The following SLC30A5 variants were observed in gnomAD, a reference collection of about 807,000 sequenced individuals.
SLC30A5 encodes the protein proton-coupled zinc antiporter SLC30A5.
Under a neutral mutation model 79.6 loss-of-function variants are expected in SLC30A5, and 33 were observed. The observed-to-expected ratio is 0.41, with a 90% CI of 0.31 to 0.55. The LOEUF (loss-of-function observed/expected upper bound fraction) is 0.55. SLC30A5 is among the 20% of genes least tolerant of loss of function. The probability of loss-of-function intolerance (pLI) is 0.20; values close to 1 mark genes in which losing one functional copy is unlikely to be tolerated. For missense variants in SLC30A5, 788 were observed against 928.1 expected, an observed-to-expected ratio of 0.85 and a Z score of 1.96; for synonymous variants, 299 against 319.7, an observed-to-expected ratio of 0.94 and a Z score of 0.69.
rs763022015 is a variant in SLC30A5, at chr5:69,129,580, C to T, written c.2261C>T (p.Ser754Phe). 1.1e-5 allele frequency: 17 copies of T among 1,612,386 alleles called. No individual in the cohort carries two copies. Among genetic ancestry groups the T allele is most frequent in the Non-Finnish European group, 1.4e-5 (17 of 1,179,332 alleles). ...CTGGCTATGACAAAACAAATGGAATCCATGAAATACTGCAAAGATGGTACT... is the reference window on the plus strand; with the variant it reads ...CTGGCTATGACAAAACAAATGGAATTCATGAAATACTGCAAAGATGGTACT... ...DVLAMTKQME[S>F]MKYCKDGTYI... The change falls in exon 16 of 16, where the codon TCC (serine) becomes TTC (phenylalanine). Residue 754 changes from serine to phenylalanine, a missense_variant. Ser to Phe is a radical substitution (Grantham distance 155). Around this residue, in one of 3 missense-constraint regions of SLC30A5, gnomAD observed 158 missense variants for 156.2 expected, o/e 1.01. Coordinates refer to ENST00000396591, the MANE Select transcript of SLC30A5 (RefSeq NM_022902.5).
At chr5:69,112,052 G>A (rs1270330852) in intron 5 of SLC30A5, among the ~76,000 whole-genome samples, 1 of 151,880 alleles carries the variant, frequency 6.6e-6, no homozygotes, top group Non-Finnish European at 1.5e-5. Flanking sequence ...GTAATCCTAG[G>A]ACTTTGGGAG....
chr5:69,104,848 A>AT (rs1402826641), intron 4 of SLC30A5, 132 bp downstream of exon 4: 1 of 819,566 alleles, frequency 1.2e-6, no homozygotes, highest in East Asian at 3.0e-5. Flanking sequence ...ATCAGAGAGA[A>AT]TTCAACAGAT....
intron 14 of SLC30A5, among the ~76,000 whole-genome samples, chr5:69,127,184 A>G (rs1056642279): frequency 2.0e-5 from 3 of 152,220 alleles, no homozygotes; most frequent in African/African-American, 7.2e-5. Context: ...TTATCTCTAT[A>G]TAACAAATAA....
At position 69,103,020 on chromosome 5, in the gene SLC30A5, A is replaced by G. The variant is rs1205560107; in HGVS notation, c.207-42A>G. The G allele has an allele frequency of 3.0e-6, 3 of 984,066 alleles. No homozygotes were observed. The South Asian group carries it at 4.6e-5, about 15-fold the overall frequency. The allele number at this position is 984,066 out of a possible 1,614,324, so 61.0% of individuals were successfully genotyped here. A position where few individuals can be genotyped will look rare whatever the true frequency, so the allele number is the denominator to read the frequency against. ...TACTTAAAACTGTATCTTGTGTTTA[A>G]TATGGATTAATATTAATATATTAAT... On this transcript the variant is annotated intron_variant, in intron 2 of 15. Transcript: ENST00000396591.
intron 5 of SLC30A5, among the ~76,000 whole-genome samples, chr5:69,108,945 C>T (rs116683700): frequency 0.011 from 1,662 of 151,722 alleles, 40 homozygotes; most frequent in African/African-American, 0.038. Context: ...AAATATAATC[C>T]GTAGTTGGAG....
chr5:69,103,169 G>A (rs375742238), intron 3 of SLC30A5, 41 bp downstream of exon 3: 23 of 1,084,898 alleles, frequency 2.1e-5, no homozygotes, highest in African/African-American at 6.3e-5. Context: ...GCAGCTTCTC[G>A]TTTAGTGGGC....
In SLC30A5 at chr5:69,103,134, A is replaced by G; in HGVS notation, c.273+6A>G. ...AAACTATTACCAAACACCAGGTAAG[A>G]TTTTTGCAGAATCTTTTATTCCTAG... On this transcript the variant is annotated splice_donor_region_variant and intron_variant, in intron 3 of 15. Coordinates refer to ENST00000396591, the MANE Select transcript of SLC30A5 (RefSeq NM_022902.5). 6.5e-7 allele frequency: 1 copy of G among 1,544,870 alleles called. No homozygotes were observed. The highest frequency in any genetic ancestry group is 8.9e-7 in the Non-Finnish European group (1 of 1,124,028).
chr5:69,096,993 C>G (rs541474187), intron 1 of SLC30A5, among the ~76,000 whole-genome samples: 1 of 150,960 alleles, frequency 6.6e-6, no homozygotes, highest in African/African-American at 2.4e-5. Context: ...CCCAAAAAAA[C>G]CCCCACAAAA....
At chr5:69,125,507 C>G (rs1746651304) in intron 14 of SLC30A5, among the ~76,000 whole-genome samples, 1 of 146,658 alleles carries the variant, frequency 6.8e-6, no homozygotes, top group African/African-American at 2.5e-5. Context: ...GCGAGACTGG[C>G]AACAGAGCGA....
At chr5:69,097,362 G>T (rs1040597590) in intron 1 of SLC30A5, among the ~76,000 whole-genome samples, 1 of 152,120 alleles carries the variant, frequency 6.6e-6, no homozygotes, top group East Asian at 1.9e-4. Flanking sequence ...TGATCCGCCC[G>T]CCTGGGCCTC....
intron 1 of SLC30A5, among the ~76,000 whole-genome samples, chr5:69,098,183 T>C (rs774637479): frequency 2.0e-5 from 3 of 152,084 alleles, no homozygotes; most frequent in Non-Finnish European, 4.4e-5. Context: ...TAACTAGTCT[T>C]GTCAAAGGTT....
chr5:69,095,876 A>G (rs1745713068), intron 1 of SLC30A5, among the ~76,000 whole-genome samples: 1 of 151,448 alleles, frequency 6.6e-6, no homozygotes, highest in Non-Finnish European at 1.5e-5. Flanking sequence ...CCTGGCCAAC[A>G]TGGTGAGACC....
chr5:69,104,052 A>G, intron 3 of SLC30A5: 1 of 1,561,602 alleles, frequency 6.4e-7, no homozygotes, highest in South Asian at 1.2e-5. Context: ...CTGAGAAATC[A>G]TAAAATTGTA....
intron 15 of SLC30A5, 140 bp from the exon 16 acceptor site, chr5:69,129,307 T>G: frequency 1.8e-6 from 1 of 569,216 alleles, no homozygotes; most frequent in Non-Finnish European, 2.8e-6. Flanking sequence ...ACTCAAAAAG[T>G]TTCAGATTTT....
intron 5 of SLC30A5, among the ~76,000 whole-genome samples, chr5:69,112,200 G>C (rs555690825): frequency 6.6e-6 from 1 of 152,180 alleles, no homozygotes; most frequent in African/African-American, 2.4e-5. Context: ...AGGAGGCTGA[G>C]GCAGGAGAAT....
At chr5:69,127,709 T>A (rs1746740449) in intron 14 of SLC30A5, among the ~76,000 whole-genome samples, 2 of 152,146 alleles carry the variant, frequency 1.3e-5, no homozygotes, top group South Asian at 4.1e-4. Context: ...AGAGCTGCCA[T>A]ACTAGCATCA....
At chr5:69,097,740 T>C (rs1210215923) in intron 1 of SLC30A5, among the ~76,000 whole-genome samples, 2 of 152,140 alleles carry the variant, frequency 1.3e-5, no homozygotes, top group Non-Finnish European at 2.9e-5. Context: ...GGTCTTGCTA[T>C]GTTGCCCAGG....
In SLC30A5 at chr5:69,109,698, C is replaced by T. The variant is rs1168328219; in HGVS notation, c.447+1262C>T. Among the ~76,000 whole-genome samples the T allele has an allele frequency of 2.6e-5, 4 of 152,132 alleles. No homozygotes were observed. In the South Asian group the frequency reaches 6.2e-4, roughly 24 times the overall value. ...TTGCCACCTAAGCACTCCTATTCATCCTAAGTGATTCAAGTATTATCCTTT... is the reference window on the plus strand; with the variant it reads ...TTGCCACCTAAGCACTCCTATTCATTCTAAGTGATTCAAGTATTATCCTTT... On this transcript the variant is annotated intron_variant, in intron 5 of 15. Transcript: ENST00000396591.
chr5:69,122,479 C>T (rs969315199), intron 13 of SLC30A5, among the ~76,000 whole-genome samples: 19 of 152,096 alleles, frequency 1.2e-4, no homozygotes, highest in Non-Finnish European at 2.9e-5. Context: ...CATGGTGAAA[C>T]CCTGTCTCTA....
Sources: allele counts gnomAD v4.1 joint callset (sites outside exome capture counted in the v4.1 genomes callset), GRCh38; gene constraint gnomAD v4.1.1; regional missense constraint gnomAD v4.1.1; transcripts MANE v1.5; gene names NCBI Gene and HGNC (gene_info 2026-07-23, HGNC 2026-07-21).